NHS: variants seen among roughly 807,000 people sequenced by gnomAD.
The protein encoded by NHS is actin remodeling regulator NHS.
A neutral mutation model predicts 72.5 loss-of-function variants in NHS; 5 were observed. That is an observed-to-expected ratio of 0.07 (90% CI 0.04 to 0.14). NHS has a LOEUF of 0.14. Among genes scored for constraint, NHS ranks in the 10% least tolerant of loss-of-function variants. NHS has a pLI of 1.00. For synonymous variants in NHS, 464 were observed against 547.7 expected, an observed-to-expected ratio of 0.85 and a Z score of 2.13; for missense variants, 1,072 against 1,355.7, an observed-to-expected ratio of 0.79 and a Z score of 3.29.
At chrX:17,525,638 C>CTTTTTTTTTTTTTTTT (rs1162709869) in intron 1 of NHS, among the ~76,000 whole-genome samples, 216 of 52,859 alleles carry the variant, frequency 4.1e-3, no homozygotes, top group Middle Eastern at 0.016. Context: ...TCTTTCTTTT[C>CTTTTTTTTTTTTTTTT]TTTTTTTTTT....
chrX:17,617,954 G>A (rs778644361), intron 1 of NHS, among the ~76,000 whole-genome samples: 5 of 112,146 alleles, frequency 4.5e-5, no homozygotes, highest in Admixed American at 2.8e-4. Flanking sequence ...CAGCTATGGC[G>A]GGAATTACAG....
At position 17,688,035 on chromosome X, in the gene NHS, G is replaced by A; in HGVS notation, c.718+141G>A. 1.1e-5 allele frequency: 7 copies of A among 649,623 alleles called. No homozygotes were observed. In the South Asian group the frequency reaches 2.0e-4, roughly 18 times the overall value. 53.5% of individuals were successfully genotyped at this position (649,623 alleles called of 1,213,427 possible). On this transcript the variant is annotated intron_variant, in intron 2 of 8. Transcript: ENST00000676302. ...AATGCTCCCGTTTCTACCCTGAAATGAAATCCATGGGTAATATGCCCAACC... is the reference window on the plus strand; with the variant it reads ...AATGCTCCCGTTTCTACCCTGAAATAAAATCCATGGGTAATATGCCCAACC...
In NHS at chrX:17,724,318, G is replaced by A; in HGVS notation, c.1128G>A (p.Glu376=). Residue 376 remains glutamate, a synonymous_variant, in exon 6 of 9, where the codon GAG becomes GAA. Transcript: ENST00000676302. The part of the protein sequence containing the change: ...INVTGVGFDR[E]ASIRCSLVHS... ...TTGCAGGAGTTGGCTTTGACAGAGA[G>A]GCTAGTATACGCTGCTCTCTGGTTC... 1 of 1,211,882 alleles carries A rather than the reference G, an allele frequency of 8.3e-7. No individual in the cohort carries two copies. Among genetic ancestry groups the A allele is most frequent in the Non-Finnish European group, 1.1e-6 (1 of 895,544 alleles).
intron 1 of NHS, among the ~76,000 whole-genome samples, chrX:17,646,031 A>T (rs1300648729): frequency 8.1e-5 from 9 of 111,669 alleles, no homozygotes; most frequent in Non-Finnish European, 1.9e-5. Context: ...GGCTCACTGC[A>T]GCCTCGAACT....
rs926168467 is a variant in NHS, at chrX:17,589,252, C to T, written c.566-98490C>T. 2.7e-5 allele frequency among the ~76,000 whole-genome samples: 3 copies of T among 111,275 alleles called. No homozygotes were observed. The Admixed American group carries it at 2.9e-4, about 11-fold the overall frequency. ...AGTGGTGATTTGTGAGATTTTGGTA[C>T]ACCCATCACCTGAGCAGTATATACT... On this transcript the variant is annotated intron_variant, in intron 1 of 8. Transcript: ENST00000676302.
intron 1 of NHS, among the ~76,000 whole-genome samples, chrX:17,464,829 A>G (rs111611627): frequency 3.2e-4 from 36 of 112,029 alleles, no homozygotes; most frequent in African/African-American, 1.2e-3. Context: ...ATGTCCCCAT[A>G]TATAGCCAGG....
In NHS at chrX:17,735,036, TTG is replaced by T. The variant is rs937938941; in HGVS notation, c.*2575_*2576del. 8.9e-6 allele frequency: 1 copy of T among 112,306 alleles called. No individual in the cohort carries two copies. Among genetic ancestry groups the T allele is most frequent in the African/African-American group, 3.3e-5 (1 of 30,760 alleles). The allele number at this position is 112,306 out of a possible 1,213,427, so 9.3% of individuals were successfully genotyped here. A position where few individuals can be genotyped will look rare whatever the true frequency, so the allele number is the denominator to read the frequency against. Reference sequence around the variant, plus strand: ...TTTTTAAAATACATATTGACTTGAATTGTGAGGCAATAAGATACCTTCTATAT... The same window carrying T: ...TTTTTAAAATACATATTGACTTGAATTGAGGCAATAAGATACCTTCTATAT... On this transcript the variant is annotated 3_prime_UTR_variant, in exon 9 of 9. Transcript: ENST00000676302.
chrX:17,508,426 G>A (rs780271420), intron 1 of NHS, among the ~76,000 whole-genome samples: 36 of 111,660 alleles, frequency 3.2e-4, no homozygotes, highest in African/African-American at 1.1e-3. Flanking sequence ...GCAGAATAAC[G>A]TTCCAGTGTA....
chrX:17,401,842 T>A (rs2064504202), intron 1 of NHS, among the ~76,000 whole-genome samples: 1 of 112,046 alleles, frequency 8.9e-6, no homozygotes, highest in African/African-American at 3.2e-5. Context: ...TATCTTAAAT[T>A]GATTACATCT....
At position 17,724,296 on chromosome X, in the gene NHS, C is replaced by T; in HGVS notation, c.1109-3C>T. ...GCTAATGAGACCTATTTGTGGGTTGCAGGAGTTGGCTTTGACAGAGAGGCT... is the reference window on the plus strand; with the variant it reads ...GCTAATGAGACCTATTTGTGGGTTGTAGGAGTTGGCTTTGACAGAGAGGCT... On this transcript the variant is annotated splice_polypyrimidine_tract_variant and splice_region_variant and intron_variant, in intron 5 of 8. Coordinates refer to ENST00000676302, the MANE Select transcript of NHS (RefSeq NM_001291867.2). 8.3e-7 allele frequency: 1 copy of T among 1,211,373 alleles called. No individual in the cohort carries two copies. Among genetic ancestry groups the T allele is most frequent in the Non-Finnish European group, 1.1e-6 (1 of 895,313 alleles).
At chrX:17,671,780 A>T (rs958130598) in intron 1 of NHS, among the ~76,000 whole-genome samples, 1 of 112,344 alleles carries the variant, frequency 8.9e-6, no homozygotes, top group Non-Finnish European at 1.9e-5. Context: ...ATAGTAGTCT[A>T]GAAATCATGT....
At chrX:17,380,158 G>T (rs2064369228) in intron 1 of NHS, among the ~76,000 whole-genome samples, 1 of 111,830 alleles carries the variant, frequency 8.9e-6, no homozygotes, top group South Asian at 3.7e-4. Context: ...GTAGTATGGT[G>T]CAAGCCAGGA....
At chrX:17,679,865 G>A (rs766006751) in intron 1 of NHS, among the ~76,000 whole-genome samples, 95 of 104,330 alleles carry the variant, frequency 9.1e-4, no homozygotes, top group Non-Finnish European at 1.2e-3. Flanking sequence ...AGAAAGGGGG[G>A]GGGGGTGTGC....
At chrX:17,470,071 G>C (rs1447346777) in intron 1 of NHS, among the ~76,000 whole-genome samples, 1 of 111,183 alleles carries the variant, frequency 9.0e-6, no homozygotes, top group Non-Finnish European at 1.9e-5. Flanking sequence ...ATGTACGTGG[G>C]GGGTGCTGGC....
chrX:17,379,154 T>G (rs1372330292), intron 1 of NHS, among the ~76,000 whole-genome samples: 1 of 109,308 alleles, frequency 9.1e-6, no homozygotes, highest in African/African-American at 3.3e-5. Flanking sequence ...ATCTGCTTGC[T>G]ATTTCATCCT....
Position 17,455,861 on chromosome X carries a change from C to CTA in NHS, c.565+79540_565+79541dup, listed in dbSNP as rs751921649. 1.3e-4 allele frequency among the ~76,000 whole-genome samples: 14 copies of CTA among 111,554 alleles called. 1 individual carries two copies. The highest frequency in any genetic ancestry group is 3.8e-4 in the South Asian group (1 of 2,640). On this transcript the variant is annotated intron_variant, in intron 1 of 8. Transcript: ENST00000676302. ...CTTGATGTGGCAGTTGAACCCCTCC[C>CTA]TAAATGCCACCATGTTGCTACTACA...
intron 1 of NHS, among the ~76,000 whole-genome samples, chrX:17,494,843 C>T (rs2065005269): frequency 8.9e-6 from 1 of 112,399 alleles, no homozygotes; most frequent in African/African-American, 3.2e-5. Flanking sequence ...AGGGACTTCC[C>T]AGCCATTGAA....
rs1351608196 is a variant in NHS, at chrX:17,732,541, G to C, written c.*77G>C. 8.4e-7 allele frequency: 1 copy of C among 1,188,963 alleles called. No homozygotes were observed. Among genetic ancestry groups the C allele is most frequent in the Non-Finnish European group, 1.1e-6 (1 of 875,530 alleles). On this transcript the variant is annotated 3_prime_UTR_variant, in exon 9 of 9. Coordinates refer to ENST00000676302, the MANE Select transcript of NHS (RefSeq NM_001291867.2). ...GATGGAGGAACAGAACAGAGGACTT[G>C]GGAAAAGTCTCAACTTGATGGGGTA...
At chrX:17,577,083 A>G (rs1331273384) in intron 1 of NHS, among the ~76,000 whole-genome samples, 1 of 111,815 alleles carries the variant, frequency 8.9e-6, no homozygotes, top group Non-Finnish European at 1.9e-5. Flanking sequence ...AGGAAGATCA[A>G]ATGGAACTGA....
Sources: allele counts gnomAD v4.1 joint callset (sites outside exome capture counted in the v4.1 genomes callset), GRCh38; gene constraint gnomAD v4.1.1; transcripts MANE v1.5; gene names NCBI Gene and HGNC (gene_info 2026-07-23, HGNC 2026-07-21).